NAALADL2: variants seen among roughly 807,000 people sequenced by gnomAD.
The protein encoded by NAALADL2 is inactive N-acetylated-alpha-linked acidic dipeptidase-like protein 2.
Under a neutral mutation model 87.2 loss-of-function variants are expected in NAALADL2, and 76 were observed. That is an observed-to-expected ratio of 0.87 (90% CI 0.72 to 1.05). NAALADL2 has a LOEUF of 1.05. Ranked by LOEUF, NAALADL2 falls within the 50% of genes least tolerant of loss-of-function variation. NAALADL2 has a pLI of 0.00. For synonymous variants in NAALADL2, 354 were observed against 331.0 expected, an observed-to-expected ratio of 1.07 and a Z score of -0.75; for missense variants, 1,089 against 945.8, an observed-to-expected ratio of 1.15 and a Z score of -1.99.
chr3:174,743,094 C>A (rs1733912291), intron 3 of NAALADL2, among the ~76,000 whole-genome samples: 1 of 151,710 alleles, frequency 6.6e-6, no homozygotes, highest in African/African-American at 2.4e-5. Flanking sequence ...GATGTGATAA[C>A]ATCAAAGTAA....
intron 4 of NAALADL2, among the ~76,000 whole-genome samples, chr3:175,307,996 T>C (rs1475483545): frequency 6.6e-6 from 1 of 151,212 alleles, no homozygotes; most frequent in Non-Finnish European, 1.5e-5. Flanking sequence ...ATGTGCACAG[T>C]AACTTGTAAA....
At chr3:175,654,218 C>T (rs1731154966) in intron 11 of NAALADL2, among the ~76,000 whole-genome samples, 1 of 152,154 alleles carries the variant, frequency 6.6e-6, no homozygotes, top group Non-Finnish European at 1.5e-5. Context: ...CTCTTCCTTA[C>T]TAATGAGTGT....
intron 2 of NAALADL2, among the ~76,000 whole-genome samples, chr3:174,605,350 G>T (rs1414159775): frequency 6.6e-6 from 1 of 152,302 alleles, no homozygotes; most frequent in Non-Finnish European, 1.5e-5. Flanking sequence ...TGCGCAAGCC[G>T]AAGCAGGACG....
chr3:174,575,561 A>G (rs1256600389), intron 2 of NAALADL2, among the ~76,000 whole-genome samples: 1 of 152,218 alleles, frequency 6.6e-6, no homozygotes, highest in East Asian at 1.9e-4. Flanking sequence ...AGAGATATGT[A>G]AATTGGTGAT....
At chr3:174,965,915 A>C (rs759711404) in intron 1 of NAALADL2, among the ~76,000 whole-genome samples, 3 of 152,096 alleles carry the variant, frequency 2.0e-5, no homozygotes, top group Non-Finnish European at 4.4e-5. Flanking sequence ...GGATTTGATG[A>C]TAGAGGAAGT....
At chr3:174,816,165 A>G (rs1017590619) in intron 3 of NAALADL2, among the ~76,000 whole-genome samples, 1 of 151,856 alleles carries the variant, frequency 6.6e-6, no homozygotes, top group Non-Finnish European at 1.5e-5. Context: ...AATGATATAA[A>G]TATCTTCTCT....
chr3:175,725,346 C>T (rs1016281932), intron 11 of NAALADL2, among the ~76,000 whole-genome samples: 1 of 152,104 alleles, frequency 6.6e-6, no homozygotes, highest in Non-Finnish European at 1.5e-5. Context: ...TCCTTTGTCA[C>T]ACCACAGCCA....
At chr3:175,080,446 A>G (rs952301077) in intron 1 of NAALADL2, among the ~76,000 whole-genome samples, 1 of 152,198 alleles carries the variant, frequency 6.6e-6, no homozygotes, top group African/African-American at 2.4e-5. Flanking sequence ...GTGAGAGTCT[A>G]CTGTATCAAT....
At chr3:174,821,365 C>T (rs1721397036) in intron 3 of NAALADL2, among the ~76,000 whole-genome samples, 1 of 152,096 alleles carries the variant, frequency 6.6e-6, no homozygotes, top group Non-Finnish European at 1.5e-5. Context: ...TCACCTAGCT[C>T]TGTACTTGGC....
intron 10 of NAALADL2, among the ~76,000 whole-genome samples, chr3:175,588,615 T>G (rs1425540364): frequency 7.2e-6 from 1 of 139,662 alleles, no homozygotes; most frequent in Non-Finnish European, 1.5e-5. Context: ...CTCGGCTCAC[T>G]GCAAGCTCCG....
intron 13 of NAALADL2, among the ~76,000 whole-genome samples, chr3:175,794,214 G>C (rs1380221200): frequency 1.3e-5 from 2 of 152,142 alleles, no homozygotes; most frequent in Admixed American, 1.3e-4. Context: ...AGGTTGACAG[G>C]TTCTACCTAC....
intron 5 of NAALADL2, among the ~76,000 whole-genome samples, chr3:175,385,003 G>A (rs1053631732): frequency 6.6e-5 from 10 of 152,022 alleles, no homozygotes; most frequent in Non-Finnish European, 1.3e-4. Context: ...AGAGTCCTAT[G>A]TCAACTGGGA....
intron 5 of NAALADL2, among the ~76,000 whole-genome samples, chr3:175,342,215 GA>G (rs969898340): frequency 5.3e-5 from 8 of 151,938 alleles, no homozygotes; most frequent in South Asian, 2.1e-4. Flanking sequence ...AGAAGTGTCA[GA>G]AAAAAATATA....
chr3:175,422,137 T>G (rs1439536815), intron 5 of NAALADL2, among the ~76,000 whole-genome samples: 2 of 151,772 alleles, frequency 1.3e-5, no homozygotes, highest in South Asian at 2.1e-4. Context: ...TTTAAATTCT[T>G]CCTAACCCTA....
intron 11 of NAALADL2, among the ~76,000 whole-genome samples, chr3:175,668,592 T>A (rs1204617542): frequency 6.6e-6 from 1 of 152,146 alleles, no homozygotes; most frequent in African/African-American, 2.4e-5. Flanking sequence ...AAGCCACTCT[T>A]GGTAGTTTAT....
intron 5 of NAALADL2, among the ~76,000 whole-genome samples, chr3:175,382,988 G>T (rs1581668129): frequency 6.6e-6 from 1 of 151,912 alleles, no homozygotes; most frequent in African/African-American, 2.4e-5. Context: ...TTATTCAAAA[G>T]ATCCCATTTA....
rs73034444 is a variant in NAALADL2 at position 175,037,308 on chromosome 3, C to T, written c.44-59482C>T. Among the ~76,000 whole-genome samples the T allele has an allele frequency of 6.0e-3, 916 of 152,250 alleles. 12 individuals carry two copies. Among genetic ancestry groups the T allele is most frequent in the African/African-American group, 0.021 (858 of 41,558 alleles). ...GCTGCTTCCAAGCTGCAACCAAGCA[C>T]TCTGCTAGCCTACAGCTGTACCCTA... On this transcript the variant is annotated intron_variant, in intron 1 of 13. Coordinates refer to ENST00000454872, the MANE Select transcript of NAALADL2 (RefSeq NM_207015.3).
intron 13 of NAALADL2, among the ~76,000 whole-genome samples, chr3:175,772,118 G>T (rs1408144314): frequency 6.6e-6 from 1 of 152,154 alleles, no homozygotes; most frequent in Non-Finnish European, 1.5e-5. Flanking sequence ...TGCAAATAAG[G>T]TAGCATTTAC....
At chr3:175,160,786 C>T (rs938235606) in intron 2 of NAALADL2, among the ~76,000 whole-genome samples, 5 of 152,048 alleles carry the variant, frequency 3.3e-5, no homozygotes, top group Admixed American at 3.3e-4. Context: ...GTTAAAAAAA[C>T]TTTCACCATT....
Sources: gnomAD v4.1 joint callset for allele counts (sites outside exome capture counted in the v4.1 genomes callset) on GRCh38, gnomAD v4.1.1 for gene constraint, MANE v1.5 for transcripts, NCBI Gene and HGNC (gene_info 2026-07-23, HGNC 2026-07-21) for gene names.